MMS22L: variants seen among roughly 807,000 people sequenced by gnomAD.
The protein encoded by MMS22L is protein MMS22-like.
A neutral mutation model predicts 159.1 loss-of-function variants in MMS22L; 74 were observed. That is an observed-to-expected ratio of 0.47 (90% confidence interval 0.39 to 0.56). The LOEUF (loss-of-function observed/expected upper bound fraction) is 0.56. MMS22L is among the 20% of genes least tolerant of loss of function. The pLI is 0.00. For synonymous variants in MMS22L, 517 were observed against 506.9 expected, an observed-to-expected ratio of 1.02 and a Z score of -0.27; for missense variants, 1,351 against 1,422.1, an observed-to-expected ratio of 0.95 and a Z score of 0.80.
chr6:97,273,119 C>CA (rs1815919422), intron 4 of MMS22L, 57 bp from the exon 5 acceptor site: 5 of 1,395,956 alleles, frequency 3.6e-6, no homozygotes, highest in Non-Finnish European at 4.9e-6. Context: ...TGGGCAGTGA[C>CA]AAAAAATGTT....
intron 14 of MMS22L, among the ~76,000 whole-genome samples, chr6:97,189,128 A>G (rs1333216188): frequency 6.6e-6 from 1 of 151,948 alleles, no homozygotes; most frequent in Admixed American, 6.6e-5. Context: ...GAAAACATGT[A>G]TTCAAGGCAA....
At chr6:97,240,601 G>A (rs1026732104) in intron 11 of MMS22L, among the ~76,000 whole-genome samples, 24 of 151,180 alleles carry the variant, frequency 1.6e-4, no homozygotes, top group Admixed American at 9.9e-4. Flanking sequence ...CATCACCTGA[G>A]CAATATACAC....
intron 9 of MMS22L, chr6:97,260,397 T>C (rs894077905): frequency 6.6e-6 from 1 of 152,218 alleles, no homozygotes; most frequent in Non-Finnish European, 1.5e-5. Context: ...TCAACCTTTC[T>C]TCTATGCCCC....
chr6:97,165,609 ATACGAATTACAAGGAG>A, intron 20 of MMS22L, 152 bp from the exon 21 acceptor site: 1 of 689,758 alleles, frequency 1.4e-6, no homozygotes, highest in Non-Finnish European at 2.4e-6. Context: ...GATAATGTAC[ATACGAATTACAAGGAG>A]TTAAGCCTGG....
At chr6:97,172,580 T>A (rs1014305327) in intron 19 of MMS22L, among the ~76,000 whole-genome samples, 1 of 152,204 alleles carries the variant, frequency 6.6e-6, no homozygotes, top group East Asian at 1.9e-4. Flanking sequence ...AGAAAATGAT[T>A]TCTTTTTGAA....
chr6:97,192,491 T>C (rs1296245528), intron 14 of MMS22L, among the ~76,000 whole-genome samples: 1 of 152,152 alleles, frequency 6.6e-6, no homozygotes, highest in African/African-American at 2.4e-5. Context: ...AGTCACAGCA[T>C]TTAGGTAAAA....
chr6:97,236,768 G>A (rs1327506987), intron 11 of MMS22L, among the ~76,000 whole-genome samples: 4 of 152,042 alleles, frequency 2.6e-5, no homozygotes, highest in South Asian at 2.1e-4. Flanking sequence ...TGGCTAACAC[G>A]GTGAAACCCC....
chr6:97,256,523 TACCTC>T (rs1404191946), intron 9 of MMS22L, among the ~76,000 whole-genome samples: 2 of 152,224 alleles, frequency 1.3e-5, no homozygotes, highest in Non-Finnish European at 2.9e-5. Context: ...AGCTTTATTT[TACCTC>T]ACTTTTTAAA....
intron 14 of MMS22L, among the ~76,000 whole-genome samples, chr6:97,192,209 GATGAATGA>G (rs1554262353): frequency 9.6e-6 from 1 of 104,374 alleles, no homozygotes; most frequent in Admixed American, 9.2e-5. Flanking sequence ...TGGATGGATG[GATGAATGA>G]ATGAATGAAT....
chr6:97,210,269 C>T (rs1478918428), intron 14 of MMS22L, among the ~76,000 whole-genome samples: 1 of 151,890 alleles, frequency 6.6e-6, no homozygotes, highest in Admixed American at 6.6e-5. Context: ...ATAAAAAGTG[C>T]TTAATATGCA....
chr6:97,217,170 CTCTAT>C (rs1452526777), intron 14 of MMS22L, among the ~76,000 whole-genome samples: 2 of 152,022 alleles, frequency 1.3e-5, no homozygotes, highest in Non-Finnish European at 1.5e-5. Context: ...AATCATAAAG[CTCTAT>C]TCTATTCTAT....
chr6:97,219,652 G>A (rs926993627), intron 14 of MMS22L, among the ~76,000 whole-genome samples: 1 of 152,174 alleles, frequency 6.6e-6, no homozygotes, highest in Non-Finnish European at 1.5e-5. Context: ...TCCTAAGATT[G>A]CACTGTTGGT....
rs71740630 is a variant in MMS22L, at chr6:97,238,572, CGTGTGT to C, written c.1183-4598_1183-4593del. Among the ~76,000 whole-genome samples, 422 of 91,526 alleles carry C rather than the reference CGTGTGT, an allele frequency of 4.6e-3. 1 individual carries two copies. The highest frequency in any genetic ancestry group is 0.013 in the Middle Eastern group (2 of 152). The allele number at this position is 91,526 out of a possible 152,430, so 60.0% of individuals were successfully genotyped here. On this transcript the variant is annotated intron_variant, in intron 11 of 24. Coordinates refer to ENST00000683635, the MANE Select transcript of MMS22L (RefSeq NM_001350599.2). ...TATGGGCTCTCAGCGTGTCTCATCT[CGTGTGT>C]GTGTGTGTGTGTGTGTGTGTGTGTG...
intron 22 of MMS22L, among the ~76,000 whole-genome samples, chr6:97,155,319 AATTGTT>A (rs140706): frequency 0.54 from 82,425 of 151,348 alleles, 23,257 homozygotes; most frequent in African/African-American, 0.7. Context: ...CAAATTTTTA[AATTGTT>A]ATTATTACTA....
intron 13 of MMS22L, 61 bp from the exon 14 acceptor site, chr6:97,229,464 TAAAAG>T: frequency 8.1e-7 from 1 of 1,235,756 alleles, no homozygotes. Flanking sequence ...CTGTATCTCT[TAAAAG>T]AAAATTTGTT....
chr6:97,209,160 C>A (rs979503563), intron 14 of MMS22L, among the ~76,000 whole-genome samples: 1 of 151,954 alleles, frequency 6.6e-6, no homozygotes, highest in African/African-American at 2.4e-5. Context: ...TGATGAATCC[C>A]CCAAATATCT....
At chr6:97,236,405 C>CTGATGGCCATTTGAGAT (rs1450928800) in intron 11 of MMS22L, among the ~76,000 whole-genome samples, 2 of 151,132 alleles carry the variant, frequency 1.3e-5, no homozygotes, top group African/African-American at 4.9e-5. Flanking sequence ...CATTCTAGAG[C>CTGATGGCCATTTGAGAT]TGATGGCCAT....
Position 97,162,017 on chromosome 6 carries a change from C to G in MMS22L, c.3370G>C (p.Val1124Leu). 4 of 1,610,346 alleles carry G rather than the reference C, an allele frequency of 2.5e-6. No homozygotes were observed. Among genetic ancestry groups the G allele is most frequent in the Non-Finnish European group, 3.4e-6 (4 of 1,178,536 alleles). The change falls in exon 22 of 25, where the codon GTC (valine) becomes CTC (leucine). Residue 1124 changes from valine to leucine, a missense_variant. Val to Leu is a conservative substitution (Grantham distance 32). Transcript: ENST00000683635. The part of the protein sequence containing the change: ...LPGILKCLVL[V>L]SEPQVKRLAT... ...ACAAACAAACCTTGTGGTTCACTGACTAACACCAAGCATTTTAAAATGCCA... is the reference window on the plus strand; with the variant it reads ...ACAAACAAACCTTGTGGTTCACTGAGTAACACCAAGCATTTTAAAATGCCA...
At chr6:97,259,230 T>C (rs1297274500) in intron 9 of MMS22L, 1 of 152,226 alleles carries the variant, frequency 6.6e-6, no homozygotes, top group African/African-American at 2.4e-5. Context: ...TCCGTATCAG[T>C]TCAGATATCT....
Sources: allele counts gnomAD v4.1 joint callset (sites outside exome capture counted in the v4.1 genomes callset), GRCh38; gene constraint gnomAD v4.1.1; transcripts MANE v1.5; gene names NCBI Gene and HGNC (gene_info 2026-07-23, HGNC 2026-07-21).